The following ZBTB20 variants were observed in gnomAD, a reference collection of about 807,000 sequenced individuals.
ZBTB20 encodes zinc finger and BTB domain containing 20.
In ZBTB20, 9 loss-of-function variants were observed where a neutral mutation model predicts 56.9. The ratio of observed to expected loss-of-function variants is 0.16; its 90% CI spans 0.10 to 0.28. The LOEUF (loss-of-function observed/expected upper bound fraction) is 0.28. ZBTB20 is among the 10% of genes least tolerant of loss of function. The probability of loss-of-function intolerance (pLI) is 1.00; values close to 1 mark genes in which losing one functional copy is unlikely to be tolerated. For synonymous variants in ZBTB20, 417 were observed against 420.7 expected (o/e 0.99, Z 0.11); for missense variants, 655 against 1,003.0 (o/e 0.65, Z 4.69).
chr3:114,785,839 T>A (rs2108787834), intron 5 of ZBTB20, among the ~76,000 whole-genome samples: 1 of 152,290 alleles, frequency 6.6e-6, no homozygotes, highest in South Asian at 2.1e-4. Flanking sequence ...CAAGTCAGTA[T>A]TATTAACTAT....
At chr3:115,108,981 A>C (rs1319690228) in intron 1 of ZBTB20, among the ~76,000 whole-genome samples, 1 of 152,202 alleles carries the variant, frequency 6.6e-6, no homozygotes, top group Non-Finnish European at 1.5e-5. Context: ...TGATATGATT[A>C]TCTTTAGAAA....
intron 4 of ZBTB20, among the ~76,000 whole-genome samples, chr3:114,803,639 T>A (rs1244432518): frequency 6.6e-6 from 1 of 151,892 alleles, no homozygotes; most frequent in Non-Finnish European, 1.5e-5. Context: ...CACTATATAG[T>A]GGGGTTATCA....
chr3:114,686,948 TAACAAC>T (rs375580143), intron 6 of ZBTB20, among the ~76,000 whole-genome samples: 16 of 151,866 alleles, frequency 1.1e-4, no homozygotes, highest in Admixed American at 9.2e-4. Flanking sequence ...ACAACAGCAA[TAACAAC>T]AACAACAACA....
At chr3:114,455,103 A>C (rs144968124) in intron 7 of ZBTB20, among the ~76,000 whole-genome samples, 1 of 150,400 alleles carries the variant, frequency 6.6e-6, no homozygotes, top group East Asian at 2.0e-4. Flanking sequence ...ACGGAGAGAG[A>C]GAGTGTGTGA....
intron 8 of ZBTB20, among the ~76,000 whole-genome samples, chr3:114,383,987 C>G (rs1223661177): frequency 1.3e-5 from 2 of 152,200 alleles, no homozygotes; most frequent in Admixed American, 6.5e-5. Context: ...CACTGGCTGA[C>G]TCCAGCGGAT....
At chr3:115,133,744 A>G (rs1422792384) in intron 1 of ZBTB20, among the ~76,000 whole-genome samples, 2 of 152,214 alleles carry the variant, frequency 1.3e-5, no homozygotes, top group Admixed American at 6.5e-5. Flanking sequence ...GTATAGATAT[A>G]TCATAGATGA....
At chr3:114,429,602 G>A (rs892965668) in intron 7 of ZBTB20, among the ~76,000 whole-genome samples, 7 of 152,030 alleles carry the variant, frequency 4.6e-5, no homozygotes, top group African/African-American at 9.7e-5. Flanking sequence ...GGCAGAGAAC[G>A]TTGCTAAGTC....
At chr3:114,936,038 G>A (rs547968501) in intron 3 of ZBTB20, among the ~76,000 whole-genome samples, 3 of 152,178 alleles carry the variant, frequency 2.0e-5, no homozygotes, top group African/African-American at 7.2e-5. Context: ...GGGACACAGA[G>A]ACTGGCACCT....
At chr3:114,995,199 A>G (rs2078975920) in intron 2 of ZBTB20, among the ~76,000 whole-genome samples, 1 of 151,916 alleles carries the variant, frequency 6.6e-6, no homozygotes, top group South Asian at 2.1e-4. Context: ...AGGGAACTTC[A>G]ACTATTTCTG....
chr3:114,582,322 T>A (rs185752256), intron 6 of ZBTB20: 1 of 152,136 alleles, frequency 6.6e-6, no homozygotes. Flanking sequence ...ATTATTAAAC[T>A]TCGTTTAACC....
chr3:114,915,037 CT>C lies in ZBTB20; in HGVS notation c.-455-14696del, dbSNP rs891931631. Reference sequence around the variant, plus strand: ...CCTGTGGTTTTCTTTGTTTTCTTTTCTTTTTTTTTTTAAATGTGTCTTTGGT... The same window carrying C: ...CCTGTGGTTTTCTTTGTTTTCTTTTCTTTTTTTTTTAAATGTGTCTTTGGT... On this transcript the variant is annotated intron_variant, in intron 3 of 11. Transcript: ENST00000675478. 7.9e-3 allele frequency among the ~76,000 whole-genome samples: 1,130 copies of C among 142,846 alleles called. 14 individuals carry two copies. The highest frequency in any genetic ancestry group is 0.025 in the African/African-American group (968 of 38,456). The allele number at this position is 142,846 out of a possible 152,430, so 93.7% of individuals were successfully genotyped here.
intron 6 of ZBTB20, among the ~76,000 whole-genome samples, chr3:114,573,207 T>A (rs577367353): frequency 1.3e-5 from 2 of 152,160 alleles, no homozygotes; most frequent in African/African-American, 4.8e-5. Flanking sequence ...CGCCTGTAAT[T>A]CCAGCACTTT....
chr3:115,086,482 C>G (rs2082989163), intron 1 of ZBTB20, among the ~76,000 whole-genome samples: 1 of 151,724 alleles, frequency 6.6e-6, no homozygotes, highest in African/African-American at 2.4e-5. Flanking sequence ...TGTGCTGCTG[C>G]TATTGACTCT....
chr3:114,693,332 C>G (rs1239275411), intron 6 of ZBTB20, among the ~76,000 whole-genome samples, 196 bp downstream of exon 6: 1 of 152,070 alleles, frequency 6.6e-6, no homozygotes, highest in Non-Finnish European at 1.5e-5. Context: ...TTCAAATGAA[C>G]AAATAGGATA....
rs1012934603 is a variant in ZBTB20, at chr3:114,866,873, T to C, written c.-417+33431A>G. ...AACGCAATTGGCTCTCTGGGGTCTC[T>C]AGCTTTCTGACTATAGATCTTGGGA... On this transcript the variant is annotated intron_variant, in intron 4 of 11. Coordinates refer to ENST00000675478, the MANE Select transcript of ZBTB20 (RefSeq NM_001348800.3). Among the ~76,000 whole-genome samples the C allele has an allele frequency of 7.7e-4, 117 of 152,222 alleles. 1 individual carries two copies. Among genetic ancestry groups the C allele is most frequent in the African/African-American group, 2.7e-3 (113 of 41,462 alleles).
intron 5 of ZBTB20, among the ~76,000 whole-genome samples, chr3:114,788,529 G>A (rs1417017546): frequency 2.6e-5 from 4 of 152,134 alleles, no homozygotes; most frequent in African/African-American, 9.6e-5. Context: ...TCTATGTATG[G>A]ACCACATTTT....
At position 114,355,163 on chromosome 3, in the gene ZBTB20, T is replaced by TCA. The variant is rs112779050; in HGVS notation, c.200-3287_200-3286dup. Among the ~76,000 whole-genome samples, 218 of 151,354 alleles carry TCA rather than the reference T, an allele frequency of 1.4e-3. 1 individual carries two copies. Among genetic ancestry groups the TCA allele is most frequent in the African/African-American group, 4.5e-3 (186 of 41,316 alleles). ...AGAGATAAGAAATGAACACAGATAA[T>TCA]CACACACACACACACAATTCCATGA... On this transcript the variant is annotated intron_variant, in intron 10 of 11. Coordinates refer to ENST00000675478, the MANE Select transcript of ZBTB20 (RefSeq NM_001348800.3).
chr3:115,040,822 G>T (rs1449470480), intron 2 of ZBTB20, among the ~76,000 whole-genome samples: 1 of 152,082 alleles, frequency 6.6e-6, no homozygotes, highest in African/African-American at 2.4e-5. Context: ...ACATTTCAGG[G>T]GGAGTGGAAT....
At chr3:114,485,600 C>T (rs1020570187) in intron 7 of ZBTB20, among the ~76,000 whole-genome samples, 1 of 152,128 alleles carries the variant, frequency 6.6e-6, no homozygotes, top group Admixed American at 6.5e-5. Context: ...ATGTTCACCA[C>T]CCCCCAATTC....
Sources: gnomAD v4.1 joint callset for allele counts (sites outside exome capture counted in the v4.1 genomes callset) on GRCh38, gnomAD v4.1.1 for gene constraint, MANE v1.5 for transcripts, NCBI Gene and HGNC (gene_info 2026-07-23, HGNC 2026-07-21) for gene names.